GPM6B: variants seen among roughly 807,000 people sequenced by gnomAD.
GPM6B encodes neuronal membrane glycoprotein M6-b.
A neutral mutation model predicts 27.2 loss-of-function variants in GPM6B; 4 were observed. The ratio of observed to expected loss-of-function variants is 0.15; its 90% confidence interval spans 0.07 to 0.34. The LOEUF (loss-of-function observed/expected upper bound fraction) is 0.34. Among genes scored for constraint, GPM6B ranks in the 10% least tolerant of loss-of-function variants. GPM6B has a pLI of 1.00. For missense variants in GPM6B, 183 were observed against 261.9 expected (o/e 0.70, Z 2.08); for synonymous variants, 124 against 103.1 (o/e 1.20, Z -1.23).
intron 1 of GPM6B, among the ~76,000 whole-genome samples, chrX:13,811,309 T>C (rs1332744387): frequency 8.9e-6 from 1 of 112,529 alleles, no homozygotes; most frequent in African/African-American, 3.2e-5. Context: ...TTTAATGTAA[T>C]TTAGCGAGAA....
chrX:13,933,271 A>C (rs1377145320), intron 1 of GPM6B, among the ~76,000 whole-genome samples: 1 of 112,123 alleles, frequency 8.9e-6, no homozygotes, highest in Non-Finnish European at 1.9e-5. Context: ...GAACAGAAAG[A>C]AGCATATGAA....
chrX:13,863,898 C>T (rs1431875015), intron 1 of GPM6B, among the ~76,000 whole-genome samples: 2 of 112,791 alleles, frequency 1.8e-5, no homozygotes, highest in African/African-American at 3.2e-5. Context: ...AGAGAAAACA[C>T]TCATGTTGCA....
intron 2 of GPM6B, among the ~76,000 whole-genome samples, chrX:13,803,055 C>CA (rs1289102394): frequency 8.9e-6 from 1 of 112,052 alleles, no homozygotes; most frequent in African/African-American, 3.2e-5. Flanking sequence ...AGTGGCCTTA[C>CA]AACCTTAGGT....
intron 1 of GPM6B, among the ~76,000 whole-genome samples, chrX:13,916,663 A>ATGTGTGTGTG (rs55844856): frequency 0.083 from 7,511 of 90,033 alleles, 395 homozygotes; most frequent in Non-Finnish European, 0.12. Context: ...TAGTTTATTA[A>ATGTGTGTGTG]TGTGTGTGTG....
At chrX:13,937,370 G>GC (rs747479712) in intron 1 of GPM6B, among the ~76,000 whole-genome samples, 16 of 110,841 alleles carry the variant, frequency 1.4e-4, no homozygotes, top group South Asian at 7.7e-4. Context: ...CAAAATTATC[G>GC]CCCCCCCACA....
rs2048479299 is a variant in GPM6B at position 13,779,676 on chromosome X, G to A, written c.697+142C>T. 5 of 507,853 alleles carry A rather than the reference G, an allele frequency of 9.8e-6. No individual in the cohort carries two copies. In the East Asian group the frequency reaches 2.0e-4, roughly 20 times the overall value. The allele number at this position is 507,853 out of a possible 1,213,427, so 41.9% of individuals were successfully genotyped here. On this transcript the variant is annotated intron_variant, in intron 5 of 7. Transcript: ENST00000316715. ...TCCACCCAGAAAATAGCATATTGAA[G>A]GGAAAAGTATAAAATTACTCTAATA...
At chrX:13,778,367 A>G (rs1029750801) in intron 5 of GPM6B, among the ~76,000 whole-genome samples, 2 of 112,407 alleles carry the variant, frequency 1.8e-5, no homozygotes, top group Non-Finnish European at 3.8e-5. Context: ...TTAAAAAGAA[A>G]AAACACTACT....
intron 3 of GPM6B, chrX:13,783,779 C>T (rs1449796943): frequency 2.2e-6 from 1 of 451,057 alleles, no homozygotes. Flanking sequence ...TAATCCTTAC[C>T]TGAGTCCTGG....
chrX:13,783,607 G>A (rs1187952186), intron 3 of GPM6B, 86 bp from the exon 4 acceptor site: 6 of 803,564 alleles, frequency 7.5e-6, no homozygotes, highest in Non-Finnish European at 1.1e-5. Context: ...AGGACATGAG[G>A]GGGATGTTCC....
At chrX:13,821,601 C>A (rs757535244), upstream of GPM6B, among the ~76,000 whole-genome samples, 10 of 110,591 alleles carry the variant, frequency 9.0e-5, no homozygotes, top group Non-Finnish European at 1.9e-4. Flanking sequence ...CTTTTTTTTT[C>A]TTTTTCTTTT....
In GPM6B at chrX:13,816,795, A is replaced by AC. The variant is rs777062032; in HGVS notation, c.61+48dup. On this transcript the variant is annotated intron_variant, in intron 1 of 7. Coordinates refer to ENST00000316715, the MANE Select transcript of GPM6B (RefSeq NM_001001995.3). Reference sequence around the variant, plus strand: ...AAAACCCAGCTAACCCTTTTTAAGCACCCCCCAGTGAAAAGCTTTAAACAG... The same window carrying AC: ...AAAACCCAGCTAACCCTTTTTAAGCACCCCCCCAGTGAAAAGCTTTAAACAG... The AC allele has an allele frequency of 2.0e-5, 24 of 1,185,286 alleles. 1 individual carries two copies. The highest frequency in any genetic ancestry group is 1.8e-4 in the South Asian group (10 of 56,195).
intron 1 of GPM6B, among the ~76,000 whole-genome samples, chrX:13,926,111 T>C (rs986050863): frequency 1.6e-4 from 16 of 100,487 alleles, no homozygotes; most frequent in Non-Finnish European, 3.0e-4. Flanking sequence ...TCCTGACAGG[T>C]ATGTTTGTGG....
At chrX:13,916,345 T>C (rs17300807) in intron 1 of GPM6B, among the ~76,000 whole-genome samples, 16,247 of 111,403 alleles carry the variant, frequency 0.15, 910 homozygotes, top group Admixed American at 0.2. Context: ...CAACACAGAA[T>C]TGTCATTGCT....
upstream of GPM6B, chrX:13,817,435 GC>G: frequency 1.6e-6 from 1 of 617,889 alleles, no homozygotes; most frequent in South Asian, 8.3e-5. Flanking sequence ...AAAGAAAAGA[GC>G]CCCCTCCCAC....
chrX:13,863,132 T>C (rs2049871726), intron 1 of GPM6B, among the ~76,000 whole-genome samples: 1 of 112,091 alleles, frequency 8.9e-6, no homozygotes, highest in Non-Finnish European at 1.9e-5. Flanking sequence ...AGGAACAGCA[T>C]CCTCCTCAGT....
At chrX:13,846,382 A>T (rs1569255650) in intron 1 of GPM6B, among the ~76,000 whole-genome samples, 1 of 111,881 alleles carries the variant, frequency 8.9e-6, no homozygotes, top group Non-Finnish European at 1.9e-5. Flanking sequence ...GTTGCTTTAT[A>T]CCCACTGTGG....
chrX:13,818,761 G>A (rs1045189995), upstream of GPM6B, among the ~76,000 whole-genome samples: 1 of 112,509 alleles, frequency 8.9e-6, no homozygotes, highest in African/African-American at 3.2e-5. Flanking sequence ...GGTGTGTCCG[G>A]ATAGGACAGT....
intron 1 of GPM6B, among the ~76,000 whole-genome samples, chrX:13,933,434 T>C (rs1921675274): frequency 1.8e-5 from 2 of 112,005 alleles, no homozygotes; most frequent in Admixed American, 9.5e-5. Context: ...CTGATCATTG[T>C]CCAGAACTTG....
intron 1 of GPM6B, among the ~76,000 whole-genome samples, chrX:13,849,087 C>T (rs1228630122): frequency 9.0e-6 from 1 of 111,645 alleles, no homozygotes; most frequent in African/African-American, 3.3e-5. Flanking sequence ...ATAAGCTCAT[C>T]GAATTTTACT....
Sources: gnomAD v4.1 joint callset for allele counts (sites outside exome capture counted in the v4.1 genomes callset) on GRCh38, gnomAD v4.1.1 for gene constraint, MANE v1.5 for transcripts, NCBI Gene and HGNC (gene_info 2026-07-23, HGNC 2026-07-21) for gene names.